The following CBLB variants were observed in gnomAD, a reference collection of about 807,000 sequenced individuals.
CBLB encodes the protein Cbl proto-oncogene B.
A neutral mutation model predicts 104.9 loss-of-function variants in CBLB; 31 were observed. The observed-to-expected ratio is 0.30, with a 90% CI of 0.22 to 0.40. CBLB has a LOEUF of 0.40. Among genes scored for constraint, CBLB ranks in the 10% least tolerant of loss-of-function variants. The pLI, the probability that CBLB is intolerant of heterozygous loss-of-function variation, is 1.00. For synonymous variants in CBLB, 440 were observed against 422.6 expected (o/e 1.04, Z -0.51); for missense variants, 1,062 against 1,214.6 (o/e 0.87, Z 1.87).
intron 3 of CBLB, among the ~76,000 whole-genome samples, chr3:105,845,162 T>TTTGCTTAATATATATAA (rs1327992825): frequency 1.3e-5 from 2 of 152,032 alleles, no homozygotes; most frequent in South Asian, 4.1e-4. Context: ...GTCTTGTGAG[T>TTTGCTTAATATATATAA]TTGCTTAATA....
intron 3 of CBLB, among the ~76,000 whole-genome samples, chr3:105,832,376 G>A (rs562491649): frequency 2.6e-5 from 4 of 152,044 alleles, no homozygotes; most frequent in African/African-American, 7.2e-5. Context: ...AACAAATAAC[G>A]TGGAAAGTGG....
At chr3:105,840,110 A>G (rs898851303) in intron 3 of CBLB, among the ~76,000 whole-genome samples, 3 of 152,240 alleles carry the variant, frequency 2.0e-5, no homozygotes, top group African/African-American at 7.2e-5. Context: ...AAACCTTCAG[A>G]ACAAAACGCG....
chr3:105,693,511 G>A lies in CBLB; in HGVS notation c.2037C>T (p.Thr679=). The change falls in exon 13 of 19, where the codon ACC becomes ACT. Residue 679 remains threonine, a synonymous_variant. Transcript: ENST00000394030. ...PRLSPPPPVT[T]LLPSIKCTGP... is the part of the protein sequence containing the mutation. Reference sequence around the variant, plus strand: ...AAACTCACTTTATGCTAGGGAGGAGGGTGGTAACTGGAGGAGGAGGAGAAA... The same window carrying A: ...AAACTCACTTTATGCTAGGGAGGAGAGTGGTAACTGGAGGAGGAGGAGAAA... 1.2e-6 allele frequency: 2 copies of A among 1,609,358 alleles called. No homozygotes were observed. Among genetic ancestry groups the A allele is most frequent in the Non-Finnish European group, 1.7e-6 (2 of 1,176,026 alleles).
chr3:105,718,325 A>G (rs1037315427), intron 10 of CBLB, among the ~76,000 whole-genome samples: 1 of 152,222 alleles, frequency 6.6e-6, no homozygotes, highest in Admixed American at 6.5e-5. Context: ...AAATCATTCC[A>G]GAAAAATGCA....
chr3:105,839,709 G>A (rs555013754), intron 3 of CBLB, among the ~76,000 whole-genome samples: 8 of 152,314 alleles, frequency 5.3e-5, no homozygotes, highest in East Asian at 1.9e-4. Flanking sequence ...GCATGGCTCC[G>A]CCATTGAAAA....
chr3:105,763,168 G>A (rs2077833544), intron 4 of CBLB, among the ~76,000 whole-genome samples: 1 of 152,192 alleles, frequency 6.6e-6, no homozygotes, highest in Non-Finnish European at 1.5e-5. Flanking sequence ...TACCTAGGAA[G>A]TAACTAACTT....
At chr3:105,853,262 TA>T in intron 3 of CBLB, 151 bp downstream of exon 3, 1 of 767,534 alleles carries the variant, frequency 1.3e-6, no homozygotes, top group Non-Finnish European at 2.3e-6. Flanking sequence ...GCATTTCTTG[TA>T]AAGTATCCCC....
chr3:105,708,547 T>A (rs78127838), intron 10 of CBLB, among the ~76,000 whole-genome samples: 10,400 of 152,120 alleles, frequency 0.068, 512 homozygotes, highest in Admixed American at 0.15. Flanking sequence ...AGAACAATTT[T>A]TTTTTGCATT....
At chr3:105,667,056 C>G (rs1028511915) in intron 18 of CBLB, among the ~76,000 whole-genome samples, 4 of 152,156 alleles carry the variant, frequency 2.6e-5, no homozygotes, top group Admixed American at 6.5e-5. Context: ...ATTCAACATT[C>G]CAACAATTCT....
chr3:105,828,764 T>C (rs1201459083), intron 3 of CBLB, among the ~76,000 whole-genome samples: 2 of 152,156 alleles, frequency 1.3e-5, no homozygotes, highest in East Asian at 1.9e-4. Context: ...ATTTTACAAA[T>C]AAACTTTATT....
intron 12 of CBLB, among the ~76,000 whole-genome samples, chr3:105,695,545 A>G (rs1191139833): frequency 6.6e-6 from 1 of 151,834 alleles, no homozygotes; most frequent in Admixed American, 6.6e-5. Context: ...GAGGTAACTT[A>G]CTCTTGGAGG....
chr3:105,665,424 TATATATATATATATATATAC>T (rs2064305277), intron 18 of CBLB, among the ~76,000 whole-genome samples: 1 of 96,664 alleles, frequency 1.0e-5, no homozygotes, highest in Non-Finnish European at 2.2e-5. Flanking sequence ...TAAATATATA[TATATATATATATATATATAC>T]ACACACACAC....
chr3:105,862,002 G>C (rs529959968), intron 2 of CBLB, among the ~76,000 whole-genome samples: 1 of 152,134 alleles, frequency 6.6e-6, no homozygotes, highest in Non-Finnish European at 1.5e-5. Flanking sequence ...AAAGCTGTTT[G>C]TACCTAGGAT....
intron 17 of CBLB, among the ~76,000 whole-genome samples, chr3:105,676,138 G>C (rs2065617185): frequency 6.6e-6 from 1 of 151,922 alleles, no homozygotes; most frequent in African/African-American, 2.4e-5. Context: ...GACACTCTAA[G>C]TTAAGGATAA....
At chr3:105,763,133 T>G (rs1234317158) in intron 4 of CBLB, among the ~76,000 whole-genome samples, 1 of 152,210 alleles carries the variant, frequency 6.6e-6, no homozygotes, top group Non-Finnish European at 1.5e-5. Context: ...AATGGCTGTA[T>G]TTCCCAGTGC....
chr3:105,811,927 C>A (rs2153040670), intron 3 of CBLB, among the ~76,000 whole-genome samples: 1 of 152,266 alleles, frequency 6.6e-6, no homozygotes, highest in East Asian at 1.9e-4. Context: ...TGGTCTTGAA[C>A]TCCTGATCTC....
intron 17 of CBLB, among the ~76,000 whole-genome samples, chr3:105,677,977 A>G (rs1445666450): frequency 6.6e-6 from 1 of 152,164 alleles, no homozygotes; most frequent in Non-Finnish European, 1.5e-5. Context: ...TATTCTTGTT[A>G]TAACAACATA....
intron 13 of CBLB, among the ~76,000 whole-genome samples, chr3:105,692,854 T>C (rs2067879686): frequency 6.7e-6 from 1 of 149,320 alleles, no homozygotes; most frequent in Non-Finnish European, 1.5e-5. Context: ...TGGTTTAACT[T>C]GGGAAGATAT....
chr3:105,771,636 T>A (rs2152954536), intron 4 of CBLB, among the ~76,000 whole-genome samples: 1 of 152,188 alleles, frequency 6.6e-6, no homozygotes. Context: ...TAGAAAAGCC[T>A]CAAGATTCAT....
Sources: gnomAD v4.1 joint callset for allele counts (sites outside exome capture counted in the v4.1 genomes callset) on GRCh38, gnomAD v4.1.1 for gene constraint, MANE v1.5 for transcripts, NCBI Gene and HGNC (gene_info 2026-07-23, HGNC 2026-07-21) for gene names.